Variants in DSC2 observed in about 807,000 individuals in gnomAD.
DSC2 encodes the protein desmocollin-2.
A neutral mutation model predicts 87.6 loss-of-function variants in DSC2; 51 were observed. The observed-to-expected ratio is 0.58, with a 90% CI of 0.46 to 0.74. The LOEUF (loss-of-function observed/expected upper bound fraction) is 0.74, where lower values mean the gene tolerates loss of function less well. Among genes scored for constraint, DSC2 ranks in the 30% least tolerant of loss-of-function variants. The pLI is 0.00. For missense variants in DSC2, 1,066 were observed against 1,089.5 expected (o/e 0.98, Z 0.30); for synonymous variants, 383 against 393.2 (o/e 0.97, Z 0.31).
chr18:31,096,282 A>T (rs1987757977), intron 1 of DSC2, among the ~76,000 whole-genome samples: 2 of 152,220 alleles, frequency 1.3e-5, no homozygotes, highest in Admixed American at 6.5e-5. Flanking sequence ...AAGAGCTAAC[A>T]AAATAGCAAG....
intron 1 of DSC2, among the ~76,000 whole-genome samples, chr18:31,097,637 A>G (rs577998773): frequency 3.9e-5 from 6 of 151,982 alleles, no homozygotes; most frequent in Non-Finnish European, 7.3e-5. Context: ...GATATTACAA[A>G]TCATATAAAA....
intron 6 of DSC2, 94 bp downstream of exon 6, chr18:31,087,575 C>T: frequency 7.1e-7 from 1 of 1,403,016 alleles, no homozygotes; most frequent in Non-Finnish European, 9.9e-7. Flanking sequence ...ATTCTTGCTG[C>T]TGGGATACGC....
chr18:31,080,142 C>T lies in DSC2; in HGVS notation c.1474G>A (p.Gly492Arg). 1.9e-6 allele frequency: 3 copies of T among 1,613,974 alleles called. No individual in the cohort carries two copies. The East Asian group carries it at 6.7e-5, about 36-fold the overall frequency. Reference protein sequence around the residue: ...ENAEVGTTSNGYKAYDPETRS... With the variant: ...ENAEVGTTSNRYKAYDPETRS... ...GTTTCTGGGTCATATGCTTTATATC[C>T]ATTGCTTGTTGTTCCCACTTCTGCA... The change falls in exon 10 of 16, where the codon GGA becomes AGA. Residue 492 changes from glycine (G) to arginine (R), a missense_variant. Gly to Arg is a moderately radical substitution (Grantham distance 125). Coordinates refer to ENST00000280904, the MANE Select transcript of DSC2 (RefSeq NM_024422.6).
At chr18:31,069,188 A>C in intron 14 of DSC2, 37 bp from the exon 15 acceptor site, 1 of 1,613,402 alleles carries the variant, frequency 6.2e-7, no homozygotes, top group Non-Finnish European at 8.5e-7. Context: ...GATAATACAG[A>C]GAGGAACACA....
Position 31,068,178 on chromosome 18 carries a change from T to C in DSC2, c.2543A>G (p.Lys848Arg). ...VYLCNQDENH[K>R]HAQDYVLTYN... The stretch of plus-strand genomic sequence containing the variant: ...TGTCAGGACATAGTCTTGGGCATGC[T>C]TGTGATTTTCATCTTGATTACACAG... Residue 848 changes from lysine to arginine, a missense_variant, in exon 16 of 16, where the codon AAG becomes AGG. Transcript: ENST00000280904. The C allele has an allele frequency of 6.2e-7, 1 of 1,614,102 alleles. No individual in the cohort carries two copies. Among genetic ancestry groups the C allele is most frequent in the Non-Finnish European group, 8.5e-7 (1 of 1,179,988 alleles).
At chr18:31,089,308 G>GTGC in intron 5 of DSC2, 131 bp downstream of exon 5, 1 of 889,070 alleles carries the variant, frequency 1.1e-6, no homozygotes. Flanking sequence ...AGTCAATTAT[G>GTGC]TGCTATTAGG....
chr18:31,099,950 C>G (rs559195051), intron 1 of DSC2, among the ~76,000 whole-genome samples: 1 of 152,272 alleles, frequency 6.6e-6, no homozygotes, highest in South Asian at 2.1e-4. Context: ...CTCACTGCAG[C>G]CTGGACCTCC....
intron 1 of DSC2, among the ~76,000 whole-genome samples, chr18:31,095,377 G>T (rs1987731277): frequency 6.6e-6 from 1 of 152,158 alleles, no homozygotes; most frequent in South Asian, 2.1e-4. Context: ...ATTTTGTTCT[G>T]AGTGCAAAGA....
At chr18:31,071,916 C>T in intron 12 of DSC2, 75 bp from the exon 13 acceptor site, 1 of 1,293,258 alleles carries the variant, frequency 7.7e-7, no homozygotes. Flanking sequence ...AACTCATTAT[C>T]AGATAGTTAT....
intron 11 of DSC2, among the ~76,000 whole-genome samples, chr18:31,075,666 C>T (rs922843580): frequency 6.6e-6 from 1 of 152,104 alleles, no homozygotes; most frequent in Non-Finnish European, 1.5e-5. Flanking sequence ...GCCTGACCAA[C>T]ATGGAGAAAG....
intron 4 of DSC2, among the ~76,000 whole-genome samples, chr18:31,090,463 C>CT (rs1159765875): frequency 3.3e-5 from 5 of 152,068 alleles, no homozygotes; most frequent in African/African-American, 1.2e-4. Context: ...TGGCTCATGC[C>CT]TGTAATCCCA....
chr18:31,071,712 G>T lies in DSC2; in HGVS notation c.2018C>A (p.Thr673Asn). The T allele has an allele frequency of 5.6e-6, 9 of 1,613,974 alleles. No individual in the cohort carries two copies. The highest frequency in any genetic ancestry group is 7.6e-6 in the Non-Finnish European group (9 of 1,179,948). The change falls in exon 13 of 16, where the codon ACC becomes AAC. Residue 673 changes from threonine (T) to asparagine (N), a missense_variant. Coordinates refer to ENST00000280904, the MANE Select transcript of DSC2 (RefSeq NM_024422.6). ...SLDVTLCDCITENDCTHRVDP... is the reference protein window; with the variant it reads ...SLDVTLCDCINENDCTHRVDP... ...TACACGATGTGTGCAGTCATTTTCG[G>T]TAATGCAGTCACACAGTGTAACATC... is the stretch of plus-strand genomic sequence containing the variant.
intron 1 of DSC2, chr18:31,101,656 T>G: frequency 2.1e-6 from 1 of 475,920 alleles, no homozygotes; most frequent in East Asian, 3.6e-5. Context: ...CGCTCCCGCC[T>G]CTCCTTGAGT....
intron 4 of DSC2, among the ~76,000 whole-genome samples, chr18:31,090,713 T>G (rs902233160): frequency 1.3e-5 from 2 of 152,196 alleles, no homozygotes; most frequent in Non-Finnish European, 2.9e-5. Flanking sequence ...TCATCCAATT[T>G]TCTCCTTTAT....
At chr18:31,087,843 T>G in intron 5 of DSC2, 30 bp from the exon 6 acceptor site, 1 of 1,611,464 alleles carries the variant, frequency 6.2e-7, no homozygotes, top group East Asian at 2.2e-5. Flanking sequence ...AGGAGAAAAG[T>G]GAAAATAATC....
At position 31,070,782 on chromosome 18, in the gene DSC2, A is replaced by C. The variant is rs151024019; in HGVS notation, c.2194T>G (p.Leu732Val). The C allele has an allele frequency of 1.9e-3, 3,077 of 1,613,992 alleles. 7 individuals are homozygous for C. Among genetic ancestry groups the C allele is most frequent in the Non-Finnish European group, 2.4e-3 (2,881 of 1,179,902 alleles). ...SKQPKVIPDD[L>V]AQQNLIVSNT... Reference sequence around the variant, plus strand: ...GATACAATTAGGTTCTGCTGGGCTAAATCATCAGGAATTACTTTTGGTTGT... The same window carrying C: ...GATACAATTAGGTTCTGCTGGGCTACATCATCAGGAATTACTTTTGGTTGT... Residue 732 changes from leucine (L) to valine (V), a missense_variant, in exon 14 of 16, where the codon TTA becomes GTA. Coordinates refer to ENST00000280904, the MANE Select transcript of DSC2 (RefSeq NM_024422.6).
At chr18:31,068,553 T>C (rs1986709201) in intron 15 of DSC2, among the ~76,000 whole-genome samples, 1 of 152,218 alleles carries the variant, frequency 6.6e-6, no homozygotes, top group South Asian at 2.1e-4. Flanking sequence ...TCTTCCCAGA[T>C]AGACATAGTG....
chr18:31,073,412 C>T (rs996201813), intron 12 of DSC2, among the ~76,000 whole-genome samples: 1 of 150,636 alleles, frequency 6.6e-6, no homozygotes, highest in African/African-American at 2.4e-5. Context: ...CACGCACACA[C>T]AACAGAATAT....
rs1367474232 is a variant in DSC2, at chr18:31,063,862, T to G, written c.*4153A>C. On this transcript the variant is annotated 3_prime_UTR_variant, in exon 16 of 16. Coordinates refer to ENST00000280904, the MANE Select transcript of DSC2 (RefSeq NM_024422.6). Reference sequence around the variant, plus strand: ...CATCATAAGTCAAGAAGCATCTGTATTTAAAAGTGATTTTGTGTTTAGAAT... The same window carrying G: ...CATCATAAGTCAAGAAGCATCTGTAGTTAAAAGTGATTTTGTGTTTAGAAT... The G allele has an allele frequency of 6.6e-6, 1 of 152,212 alleles. No individual in the cohort carries two copies. Among genetic ancestry groups the G allele is most frequent in the East Asian group, 1.9e-4 (1 of 5,198 alleles). The allele number at this position is 152,212 out of a possible 1,614,324, so 9.4% of individuals were successfully genotyped here.
Sources: allele counts gnomAD v4.1 joint callset (sites outside exome capture counted in the v4.1 genomes callset), GRCh38; gene constraint gnomAD v4.1.1; transcripts MANE v1.5; gene names NCBI Gene and HGNC (gene_info 2026-07-23, HGNC 2026-07-21).